Variants in GPATCH3 observed in about 807,000 individuals in gnomAD.
GPATCH3 encodes the protein G-patch domain containing 3, also known as G patch domain-containing protein 3.
Under a neutral mutation model 53.2 loss-of-function variants are expected in GPATCH3, and 45 were observed. The ratio of observed to expected loss-of-function variants is 0.85; its 90% CI spans 0.67 to 1.08. GPATCH3 has a LOEUF of 1.08. Ranked by LOEUF, GPATCH3 falls within the 50% of genes least tolerant of loss-of-function variation. The pLI is 0.00. For synonymous variants in GPATCH3, 280 were observed against 270.6 expected, an observed-to-expected ratio of 1.03 and a Z score of -0.34; for missense variants, 680 against 687.2, an observed-to-expected ratio of 0.99 and a Z score of 0.12.
rs372484136 is a variant in GPATCH3 at position 26,890,867 on chromosome 1, C to CGGCA, written c.*139_*142dup. The CGGCA allele has an allele frequency of 3.8e-5, 32 of 849,402 alleles. No individual in the cohort carries two copies. The highest frequency in any genetic ancestry group is 3.3e-4 in the African/African-American group (20 of 60,426). 52.6% of individuals were successfully genotyped at this position (849,402 alleles called of 1,614,324 possible). On this transcript the variant is annotated 3_prime_UTR_variant, in exon 7 of 7. Coordinates refer to ENST00000361720, the MANE Select transcript of GPATCH3 (RefSeq NM_022078.3). Reference sequence around the variant, plus strand: ...TAAAAATGCCCCTGAGGTATAGAACCGGCAGGCAGGCAGGCTCGGAACAAA... The same window carrying CGGCA: ...TAAAAATGCCCCTGAGGTATAGAACCGGCAGGCAGGCAGGCAGGCTCGGAACAAA...
At chr1:26,898,111 G>A (rs886518730) in intron 1 of GPATCH3, among the ~76,000 whole-genome samples, 8 of 152,058 alleles carry the variant, frequency 5.3e-5, no homozygotes, top group African/African-American at 1.9e-4. Flanking sequence ...ACTTCATCTC[G>A]GGCGACAGAG....
intron 1 of GPATCH3, among the ~76,000 whole-genome samples, chr1:26,899,585 T>G (rs1227827625): frequency 6.6e-6 from 1 of 152,218 alleles, no homozygotes; most frequent in Non-Finnish European, 1.5e-5. Context: ...CAAACTGATT[T>G]CCCATGAAAG....
chr1:26,892,229 A>G (rs2081930487), intron 6 of GPATCH3, among the ~76,000 whole-genome samples, 182 bp downstream of exon 6: 1 of 152,096 alleles, frequency 6.6e-6, no homozygotes, highest in Non-Finnish European at 1.5e-5. Flanking sequence ...TCAGCCTCCC[A>G]AAGCGCTAGG....
chr1:26,897,460 A>T lies in GPATCH3; in HGVS notation c.717T>A (p.Tyr239Ter). Residue 239 changes from tyrosine (Y) to a stop codon, truncating the protein, a stop_gained, in exon 2 of 7, where the codon TAT becomes TAA. Transcript: ENST00000361720. LOFTEE classifies it high-confidence loss of function. ...SRRYGNVPFE[Y>*]EDSETVEQEE... ...CCTGCTCCACAGTCTCTGAGTCCTC[A>T]TACTCAAAAGGCACATTGCCGTAGC... is the stretch of plus-strand genomic sequence containing the variant. 6.2e-7 allele frequency: 1 copy of T among 1,614,188 alleles called. No homozygotes were observed. Among genetic ancestry groups the T allele is most frequent in the Non-Finnish European group, 8.5e-7 (1 of 1,180,038 alleles).
At chr1:26,897,162 A>G in intron 2 of GPATCH3, 139 bp downstream of exon 2, 1 of 720,450 alleles carries the variant, frequency 1.4e-6, no homozygotes, top group Non-Finnish European at 2.3e-6. Flanking sequence ...ATAGTTTTAC[A>G]TTCCTTCTTG....
At position 26,893,439 on chromosome 1, in the gene GPATCH3, T is replaced by C. The variant is rs756062440; in HGVS notation, c.1061A>G (p.Glu354Gly). ...FWQEEEGDFDEQTADDWDVDM... is the reference protein window; with the variant it reads ...FWQEEEGDFDGQTADDWDVDM... ...CACATCCCAGTCATCGGCTGTCTGTTCATCAAAATCTGTAGGGACAGAAAA... is the reference window on the plus strand; with the variant it reads ...CACATCCCAGTCATCGGCTGTCTGTCCATCAAAATCTGTAGGGACAGAAAA... The change falls in exon 4 of 7, where the codon GAA (glutamate) becomes GGA (glycine). Residue 354 changes from glutamate (E) to glycine (G), a missense_variant. Glu to Gly is a moderately conservative substitution (Grantham distance 98). Coordinates refer to ENST00000361720, the MANE Select transcript of GPATCH3 (RefSeq NM_022078.3). 2.5e-6 allele frequency: 4 copies of C among 1,611,878 alleles called. No individual in the cohort carries two copies. Among genetic ancestry groups the C allele is most frequent in the Non-Finnish European group, 3.4e-6 (4 of 1,178,384 alleles).
chr1:26,891,554 T>C (rs1323565154), intron 6 of GPATCH3, among the ~76,000 whole-genome samples: 1 of 152,042 alleles, frequency 6.6e-6, no homozygotes, highest in Non-Finnish European at 1.5e-5. Context: ...TTTATTTATT[T>C]ATTTATTTCT....
chr1:26,900,074 G>A lies in GPATCH3; in HGVS notation c.369C>T (p.Gly123=), dbSNP rs762122294. Residue 123 remains glycine (G), a synonymous_variant, in exon 1 of 7, where the codon GGC becomes GGT. Transcript: ENST00000361720. ...QAQRLIRMYS[G]RRWLDSHGTW... is the part of the protein sequence containing the mutation. ...TCCCGTGAGAATCCAGCCACCGGCG[G>A]CCCGAGTACATGCGAATAAGCCTCT... 9.9e-6 allele frequency: 16 copies of A among 1,614,054 alleles called. No individual in the cohort carries two copies. In the Admixed American group the frequency reaches 2.3e-4, roughly 24 times the overall value.
At position 26,892,771 on chromosome 1, in the gene GPATCH3, G is replaced by C. The variant is rs560129096; in HGVS notation, c.1132C>G (p.Arg378Gly). 5.0e-6 allele frequency: 8 copies of C among 1,614,018 alleles called. No individual in the cohort carries two copies. In the Admixed American group the frequency reaches 1.0e-4, roughly 20 times the overall value. The change falls in exon 5 of 7, where the codon CGA becomes GGA. Residue 378 changes from arginine to glycine, a missense_variant. Arg to Gly is a moderately radical substitution (Grantham distance 125). Transcript: ENST00000361720. Reference protein sequence around the residue: ...YDRDGGDKDARDSVQMRLEQR... With the variant: ...YDRDGGDKDAGDSVQMRLEQR... ...TCCAGACGCATTTGGACAGAGTCTC[G>C]GGCATCCTTGTCTCCACCATCTGAG...
At chr1:26,896,448 T>C (rs2081950975) in intron 2 of GPATCH3, among the ~76,000 whole-genome samples, 1 of 151,484 alleles carries the variant, frequency 6.6e-6, no homozygotes, top group Admixed American at 6.6e-5. Flanking sequence ...TCCCAGCACT[T>C]TGGCAGGCCG....
At position 26,900,103 on chromosome 1, in the gene GPATCH3, C is replaced by A. The variant is rs1446099886; in HGVS notation, c.340G>T (p.Ala114Ser). ...CVISVRGLAQ[A>S]QRLIRMYSGR... is the part of the protein sequence containing the mutation. ...GAGTACATGCGAATAAGCCTCTGAG[C>A]TTGAGCCAACCCCCTTACCGAGATG... The change falls in exon 1 of 7, where the codon GCT becomes TCT. Residue 114 changes from alanine (A) to serine (S), a missense_variant. By Grantham distance (99) the Ala-to-Ser change is moderately conservative. Transcript: ENST00000361720. 1.2e-6 allele frequency: 2 copies of A among 1,614,190 alleles called. No homozygotes were observed. The highest frequency in any genetic ancestry group is 1.1e-5 in the South Asian group (1 of 91,078).
chr1:26,897,621 G>C lies in GPATCH3; in HGVS notation c.556C>G (p.Pro186Ala), dbSNP rs2286118. 3.7e-6 allele frequency: 6 copies of C among 1,614,224 alleles called. No homozygotes were observed. Among genetic ancestry groups the C allele is most frequent in the Non-Finnish European group, 5.1e-6 (6 of 1,180,046 alleles). ...ADLKQLPELN[P>A]PVLMPRGNVG... is the part of the protein sequence containing the mutation. ...TTCCCTCTGGGCATCAGCACTGGTGGGTTCAGCTCCGGCAGTTGCTTCAGG... is the reference window on the plus strand; with the variant it reads ...TTCCCTCTGGGCATCAGCACTGGTGCGTTCAGCTCCGGCAGTTGCTTCAGG... Residue 186 changes from proline to alanine, a missense_variant, in exon 2 of 7, where the codon CCA (proline) becomes GCA (alanine). Pro to Ala is a conservative substitution (Grantham distance 27, BLOSUM62 -1). Transcript: ENST00000361720.
chr1:26,899,752 T>C (rs568597061), intron 1 of GPATCH3, among the ~76,000 whole-genome samples: 1 of 152,304 alleles, frequency 6.6e-6, no homozygotes, highest in South Asian at 2.1e-4. Flanking sequence ...ACCCCTTGGA[T>C]AGAGAAAGGG....
intron 2 of GPATCH3, among the ~76,000 whole-genome samples, chr1:26,897,012 A>T (rs1451000321): frequency 6.9e-6 from 1 of 145,168 alleles, no homozygotes; most frequent in Non-Finnish European, 1.5e-5. Flanking sequence ...ACAGAGCAAG[A>T]CTCCGTCTCA....
intron 2 of GPATCH3, among the ~76,000 whole-genome samples, chr1:26,896,488 G>A (rs554922523): frequency 6.7e-6 from 1 of 149,078 alleles, no homozygotes; most frequent in African/African-American, 2.5e-5. Context: ...TCAGGAAATT[G>A]AGACTATCCT....
intron 2 of GPATCH3, 128 bp downstream of exon 2, chr1:26,897,173 G>C (rs2081954698): frequency 2.6e-6 from 2 of 772,754 alleles, no homozygotes; most frequent in Admixed American, 2.4e-5. Context: ...TTCCTTCTTG[G>C]ACTCCTTGGA....
At position 26,892,449 on chromosome 1, in the gene GPATCH3, A is replaced by T; in HGVS notation, c.1323T>A (p.Asp441Glu). ...CRCSGVPEALDSDGQHPRCKR... is the reference protein window; with the variant it reads ...CRCSGVPEALESDGQHPRCKR... Reference sequence around the variant, plus strand: ...TGCATCTGGGGTGTTGGCCATCACTATCCAGGGCCTCAGGCACCCCTGAGC... The same window carrying T: ...TGCATCTGGGGTGTTGGCCATCACTTTCCAGGGCCTCAGGCACCCCTGAGC... Residue 441 changes from aspartate to glutamate, a missense_variant, in exon 6 of 7, where the codon GAT (aspartate) becomes GAA (glutamate). Physicochemically the swap from Asp to Glu is conservative, Grantham distance 45. Coordinates refer to ENST00000361720, the MANE Select transcript of GPATCH3 (RefSeq NM_022078.3). 6.2e-7 allele frequency: 1 copy of T among 1,613,928 alleles called. No homozygotes were observed. The highest frequency in any genetic ancestry group is 8.5e-7 in the Non-Finnish European group (1 of 1,179,902).
rs1013513090 is a variant in GPATCH3, at chr1:26,890,702, G to A, written c.*308C>T. Reference sequence around the variant, plus strand: ...ACCTTCAGAGTCCCCAAGGAAGGCTGTGCTGATAGCCTCACTCAACCCAGC... The same window carrying A: ...ACCTTCAGAGTCCCCAAGGAAGGCTATGCTGATAGCCTCACTCAACCCAGC... On this transcript the variant is annotated 3_prime_UTR_variant, in exon 7 of 7. Transcript: ENST00000361720. 38 of 539,962 alleles carry A rather than the reference G, an allele frequency of 7.0e-5. No homozygotes were observed. The highest frequency in any genetic ancestry group is 1.3e-4 in the Non-Finnish European group (36 of 279,894). The allele number at this position is 539,962 out of a possible 1,614,324, so 33.4% of individuals were successfully genotyped here. A position where few individuals can be genotyped will look rare whatever the true frequency, so the allele number is the denominator to read the frequency against.
At chr1:26,896,500 GTTAA>G (rs1202653485) in intron 2 of GPATCH3, among the ~76,000 whole-genome samples, 1 of 148,234 alleles carries the variant, frequency 6.7e-6, no homozygotes. Flanking sequence ...GACTATCCTG[GTTAA>G]CACGGTGAAA....
Sources: allele counts gnomAD v4.1 joint callset (sites outside exome capture counted in the v4.1 genomes callset), GRCh38; gene constraint gnomAD v4.1.1; transcripts MANE v1.5; gene names NCBI Gene and HGNC (gene_info 2026-07-23, HGNC 2026-07-21).